The following GPC6 variants were observed in gnomAD, a reference collection of about 807,000 sequenced individuals.
GPC6 encodes glypican-6.
In GPC6, 14 loss-of-function variants were observed where a neutral mutation model predicts 55.2. The observed-to-expected ratio is 0.25, with a 90% CI of 0.17 to 0.40. The LOEUF (loss-of-function observed/expected upper bound fraction) is 0.40. Among genes scored for constraint, GPC6 ranks in the 10% least tolerant of loss-of-function variants. The pLI, the probability that GPC6 is intolerant of heterozygous loss-of-function variation, is 1.00. For synonymous variants in GPC6, 278 were observed against 259.6 expected (o/e 1.07, Z -0.68); for missense variants, 641 against 708.5 (o/e 0.90, Z 1.08).
chr13:93,627,502 G>A (rs1310457075), intron 2 of GPC6, among the ~76,000 whole-genome samples: 1 of 151,990 alleles, frequency 6.6e-6, no homozygotes, highest in Admixed American at 6.6e-5. Context: ...ATTTAGGTCG[G>A]GTCACAGATC....
At chr13:94,262,206 A>G (rs1891675531) in intron 4 of GPC6, among the ~76,000 whole-genome samples, 1 of 152,164 alleles carries the variant, frequency 6.6e-6, no homozygotes, top group South Asian at 2.1e-4. Context: ...GTGGAAGTAT[A>G]TGACATTTGG....
chr13:94,036,358 G>A (rs769616399), intron 4 of GPC6, among the ~76,000 whole-genome samples: 1 of 151,896 alleles, frequency 6.6e-6, no homozygotes, highest in East Asian at 1.9e-4. Context: ...AATTTGCTAC[G>A]CTAAGAATTT....
chr13:93,662,718 T>A (rs1880975001), intron 2 of GPC6, among the ~76,000 whole-genome samples: 1 of 152,162 alleles, frequency 6.6e-6, no homozygotes, highest in African/African-American at 2.4e-5. Flanking sequence ...GGGTATATTT[T>A]CCACCAAGCA....
At chr13:94,369,602 C>T (rs1486509847) in intron 6 of GPC6, among the ~76,000 whole-genome samples, 1 of 152,130 alleles carries the variant, frequency 6.6e-6, no homozygotes, top group African/African-American at 2.4e-5. Context: ...TAATTAATTT[C>T]TCATGCTTTT....
rs539748297 is a variant in GPC6 at position 93,278,730 on chromosome 13, A to G, written c.160+51114A>G. Reference sequence around the variant, plus strand: ...TTATATAATTTGTAAAGCAGTGGGTATATTTAGGATACAAAGTAGCAGATA... The same window carrying G: ...TTATATAATTTGTAAAGCAGTGGGTGTATTTAGGATACAAAGTAGCAGATA... On this transcript the variant is annotated intron_variant, in intron 1 of 8. Coordinates refer to ENST00000377047, the MANE Select transcript of GPC6 (RefSeq NM_005708.5). 2.6e-5 allele frequency among the ~76,000 whole-genome samples: 4 copies of G among 152,346 alleles called. No homozygotes were observed. In the East Asian group the frequency reaches 5.8e-4, roughly 22 times the overall value.
At chr13:93,257,124 G>T (rs1876980201) in intron 1 of GPC6, among the ~76,000 whole-genome samples, 1 of 150,458 alleles carries the variant, frequency 6.6e-6, no homozygotes, top group East Asian at 2.0e-4. Flanking sequence ...GGGCAACATA[G>T]TGAGATCTTT....
chr13:94,288,852 TAATA>T (rs1481073856), intron 5 of GPC6, among the ~76,000 whole-genome samples: 8 of 91,570 alleles, frequency 8.7e-5, no homozygotes, highest in African/African-American at 3.1e-4. Context: ...CAAATATATA[TAATA>T]AATATATATA....
At chr13:93,889,249 C>T (rs778757867) in intron 3 of GPC6, among the ~76,000 whole-genome samples, 1 of 152,102 alleles carries the variant, frequency 6.6e-6, no homozygotes. Flanking sequence ...CACTTTAATA[C>T]AGCCTGTCAG....
intron 4 of GPC6, among the ~76,000 whole-genome samples, chr13:94,083,410 A>G (rs148255893): frequency 1.8e-3 from 280 of 152,000 alleles, no homozygotes; most frequent in Middle Eastern, 0.01. Context: ...GAGCCACTGC[A>G]CCCGGCCAGG....
chr13:93,247,140 C>G (rs1356614337), intron 1 of GPC6, among the ~76,000 whole-genome samples: 2 of 151,972 alleles, frequency 1.3e-5, no homozygotes, highest in African/African-American at 4.8e-5. Context: ...TTAGGAGATA[C>G]CTAATTCTTT....
chr13:94,292,203 G>A (rs1013378111), intron 5 of GPC6, among the ~76,000 whole-genome samples: 1 of 152,136 alleles, frequency 6.6e-6, no homozygotes, highest in African/African-American at 2.4e-5. Context: ...AGGTCTCACG[G>A]TGCAAAGGGT....
chr13:93,988,002 A>ACATCCCTC (rs2140411976), intron 3 of GPC6, among the ~76,000 whole-genome samples: 1 of 152,104 alleles, frequency 6.6e-6, no homozygotes, highest in East Asian at 1.9e-4. Flanking sequence ...TCTGAATTTC[A>ACATCCCTC]CATCCCTCCA....
intron 2 of GPC6, among the ~76,000 whole-genome samples, chr13:93,555,957 A>C (rs1875440637): frequency 6.6e-6 from 1 of 152,194 alleles, no homozygotes; most frequent in South Asian, 2.1e-4. Flanking sequence ...GAAATTTGAC[A>C]GAAGTTTTTG....
chr13:94,308,500 T>C (rs1403388232), intron 6 of GPC6, among the ~76,000 whole-genome samples: 2 of 152,218 alleles, frequency 1.3e-5, no homozygotes, highest in Non-Finnish European at 1.5e-5. Context: ...CTGAAAATGA[T>C]TGGTAATGGT....
intron 2 of GPC6, among the ~76,000 whole-genome samples, chr13:93,791,030 C>T (rs1326103180): frequency 1.3e-5 from 2 of 152,122 alleles, no homozygotes; most frequent in Non-Finnish European, 2.9e-5. Flanking sequence ...CATGGAGGAG[C>T]CTCAACCGTT....
chr13:93,929,174 G>T (rs574857898), intron 3 of GPC6, among the ~76,000 whole-genome samples: 59 of 152,124 alleles, frequency 3.9e-4, no homozygotes, highest in Non-Finnish European at 7.3e-4. Context: ...TGCCTTTCAG[G>T]TCAAAAGCCA....
chr13:94,330,169 T>C (rs1183942673), intron 6 of GPC6, among the ~76,000 whole-genome samples: 1 of 152,192 alleles, frequency 6.6e-6, no homozygotes, highest in Non-Finnish European at 1.5e-5. Flanking sequence ...TCTCTCACAT[T>C]AGCAATTCTT....
At chr13:93,561,354 A>G (rs1875780459) in intron 2 of GPC6, among the ~76,000 whole-genome samples, 1 of 147,636 alleles carries the variant, frequency 6.8e-6, no homozygotes, top group South Asian at 2.1e-4. Flanking sequence ...AATAATTTTT[A>G]GTAAGATTGA....
chr13:94,164,144 G>GA (rs1335121710), intron 4 of GPC6, among the ~76,000 whole-genome samples: 3 of 152,086 alleles, frequency 2.0e-5, no homozygotes, highest in Non-Finnish European at 4.4e-5. Flanking sequence ...ATGTGAACTT[G>GA]AAAAAACAGC....
Sources: allele counts gnomAD v4.1 joint callset (sites outside exome capture counted in the v4.1 genomes callset), GRCh38; gene constraint gnomAD v4.1.1; transcripts MANE v1.5; gene names NCBI Gene and HGNC (gene_info 2026-07-23, HGNC 2026-07-21).